PSMD14: variants seen among roughly 807,000 people sequenced by gnomAD.
PSMD14 encodes proteasome 26S subunit, non-ATPase 14, also known as ubiquitin C-terminal hydrolase PSMD14.
In PSMD14, 7 loss-of-function variants were observed where a neutral mutation model predicts 41.2. The ratio of observed to expected loss-of-function variants is 0.17; its 90% CI spans 0.10 to 0.32. PSMD14 has a LOEUF of 0.32. Ranked by LOEUF, PSMD14 falls within the 10% of genes least tolerant of loss-of-function variation. PSMD14 has a pLI of 1.00. For synonymous variants in PSMD14, 114 were observed against 122.3 expected (o/e 0.93, Z 0.45); for missense variants, 139 against 375.6 (o/e 0.37, Z 5.21).
intron 7 of PSMD14, chr2:161,383,327 T>C (rs757316386): frequency 2.6e-5 from 4 of 152,142 alleles, no homozygotes; most frequent in Non-Finnish European, 5.9e-5. Flanking sequence ...AGCAAATTCC[T>C]TTAATCTTAG....
At position 161,411,475 on chromosome 2, in the gene PSMD14, C is replaced by T. The variant is rs1684024403; in HGVS notation, c.*75C>T. ...GTTCCTAATGCTCAAAATCAAGGGA[C>T]CTCTGAAGGTGTACTTGGCTAAATG... On this transcript the variant is annotated 3_prime_UTR_variant, in exon 12 of 12. Coordinates refer to ENST00000409682, the MANE Select transcript of PSMD14 (RefSeq NM_005805.6). 2 of 1,051,362 alleles carry T rather than the reference C, an allele frequency of 1.9e-6. No individual in the cohort carries two copies. The highest frequency in any genetic ancestry group is 2.7e-6 in the Non-Finnish European group (2 of 732,040). The allele number at this position is 1,051,362 out of a possible 1,614,324, so 65.1% of individuals were successfully genotyped here. A position where few individuals can be genotyped will look rare whatever the true frequency, so the allele number is the denominator to read the frequency against.
intron 3 of PSMD14, among the ~76,000 whole-genome samples, chr2:161,334,123 G>C (rs1436232327): frequency 1.3e-5 from 2 of 152,086 alleles, no homozygotes; most frequent in African/African-American, 2.4e-5. Flanking sequence ...ATCTGAGGTT[G>C]GGGGTTCGAG....
chr2:161,315,866 C>A (rs1262615370), intron 1 of PSMD14, among the ~76,000 whole-genome samples: 1 of 135,450 alleles, frequency 7.4e-6, no homozygotes, highest in South Asian at 2.2e-4. Flanking sequence ...TTTTTGAGAC[C>A]GAGTTTCACT....
At chr2:161,343,301 T>C (rs970164908) in intron 3 of PSMD14, among the ~76,000 whole-genome samples, 2 of 152,216 alleles carry the variant, frequency 1.3e-5, no homozygotes, top group African/African-American at 4.8e-5. Context: ...GGACCTCACA[T>C]ATATGGAATC....
At chr2:161,342,004 G>A (rs1432056567) in intron 3 of PSMD14, among the ~76,000 whole-genome samples, 2 of 151,406 alleles carry the variant, frequency 1.3e-5, no homozygotes, top group Admixed American at 6.6e-5. Context: ...TCGCATTTTT[G>A]TTTGTGATCC....
intron 7 of PSMD14, among the ~76,000 whole-genome samples, chr2:161,377,281 T>C (rs1175313241): frequency 6.6e-6 from 1 of 151,922 alleles, no homozygotes; most frequent in Non-Finnish European, 1.5e-5. Flanking sequence ...GGAAATCGAA[T>C]ACATAAAGAA....
intron 1 of PSMD14, among the ~76,000 whole-genome samples, chr2:161,309,572 T>A (rs1689065643): frequency 6.6e-6 from 1 of 152,168 alleles, no homozygotes; most frequent in East Asian, 1.9e-4. Flanking sequence ...TGGAGATGAT[T>A]AATATAATGG....
chr2:161,344,633 GTTC>G (rs10579763), intron 3 of PSMD14, among the ~76,000 whole-genome samples: 101,479 of 151,560 alleles, frequency 0.67, 34,178 homozygotes, highest in Admixed American at 0.72. Context: ...CATTTCTGGT[GTTC>G]TTCTTTTTAT....
At chr2:161,390,566 T>G (rs1241280314) in intron 8 of PSMD14, among the ~76,000 whole-genome samples, 4 of 152,192 alleles carry the variant, frequency 2.6e-5, no homozygotes, top group Admixed American at 6.6e-5. Context: ...AGATTGCATG[T>G]CACTGGATAA....
Position 161,308,670 on chromosome 2 carries a change from G to A in PSMD14, c.-138+66G>A, listed in dbSNP as rs145468711. On this transcript the variant is annotated intron_variant, in intron 1 of 11. Transcript: ENST00000409682. The stretch of plus-strand genomic sequence containing the variant: ...GCCGTGCTAGGCCGCCGCCAGCCCC[G>A]TGCTTTCCTGAGTCACGTTGCCCAG... 521 of 152,518 alleles carry A rather than the reference G, an allele frequency of 3.4e-3. 6 individuals carry two copies. Among genetic ancestry groups the A allele is most frequent in the Admixed American group, 7.7e-3 (118 of 15,312 alleles). 9.4% of individuals were successfully genotyped at this position (152,518 alleles called of 1,614,324 possible).
intron 3 of PSMD14, among the ~76,000 whole-genome samples, chr2:161,346,660 T>C (rs1275552504): frequency 1.3e-5 from 2 of 151,554 alleles, no homozygotes; most frequent in Non-Finnish European, 2.9e-5. Context: ...TGATTCTTTC[T>C]AGTTTTGCTT....
At chr2:161,339,270 A>G (rs1480403416) in intron 3 of PSMD14, among the ~76,000 whole-genome samples, 2 of 152,182 alleles carry the variant, frequency 1.3e-5, no homozygotes, top group Non-Finnish European at 1.5e-5. Context: ...AGTGTGTGAG[A>G]GTTCCCGTTC....
chr2:161,318,957 C>T (rs534260544), intron 3 of PSMD14, 84 bp downstream of exon 3: 64 of 1,060,698 alleles, frequency 6.0e-5, no homozygotes, highest in Middle Eastern at 2.0e-4. Context: ...AAATTATCCC[C>T]AAGAAAATCA....
chr2:161,364,124 C>T (rs937474368), intron 3 of PSMD14, among the ~76,000 whole-genome samples: 2 of 152,176 alleles, frequency 1.3e-5, no homozygotes, highest in Admixed American at 1.3e-4. Flanking sequence ...AGTCAGGACG[C>T]TGTCCTCCAA....
intron 1 of PSMD14, among the ~76,000 whole-genome samples, chr2:161,313,940 A>G (rs942553479): frequency 6.6e-6 from 1 of 152,208 alleles, no homozygotes; most frequent in African/African-American, 2.4e-5. Flanking sequence ...GTTTAGTGGC[A>G]TTAAGTATAT....
chr2:161,353,562 C>T (rs1458867361), intron 3 of PSMD14, among the ~76,000 whole-genome samples: 1 of 152,172 alleles, frequency 6.6e-6, no homozygotes, highest in Non-Finnish European at 1.5e-5. Context: ...TTTTCCCTCC[C>T]TCCCCCTTTT....
Position 161,341,135 on chromosome 2 carries a change from C to T in PSMD14, c.48+22262C>T, listed in dbSNP as rs984070901. 36 of 1,246,648 alleles carry T rather than the reference C, an allele frequency of 2.9e-5. 2 individuals are homozygous for T. In the East Asian group the frequency reaches 3.8e-4, roughly 13 times the overall value. The allele number at this position is 1,246,648 out of a possible 1,614,324, so 77.2% of individuals were successfully genotyped here. ...CCTCCGGCCCCGCGGGCGAGGCCGC[C>T]GGCTCGGGGGCGCAGGGGCGGGACG... On this transcript the variant is annotated intron_variant, in intron 3 of 11. Transcript: ENST00000409682.
chr2:161,343,186 A>G (rs1398206115), intron 3 of PSMD14, among the ~76,000 whole-genome samples: 1 of 152,122 alleles, frequency 6.6e-6, no homozygotes, highest in Non-Finnish European at 1.5e-5. Flanking sequence ...CATCGTCCCA[A>G]ACTGAAACTC....
chr2:161,323,550 C>G (rs1574115195), intron 3 of PSMD14, among the ~76,000 whole-genome samples: 1 of 152,078 alleles, frequency 6.6e-6, no homozygotes, highest in Non-Finnish European at 1.5e-5. Context: ...GTAATCCCAG[C>G]TACTCAGGAG....
Sources: gnomAD v4.1 joint callset for allele counts (sites outside exome capture counted in the v4.1 genomes callset) on GRCh38, gnomAD v4.1.1 for gene constraint, MANE v1.5 for transcripts, NCBI Gene and HGNC (gene_info 2026-07-23, HGNC 2026-07-21) for gene names.